ESR2: variants seen among roughly 807,000 people sequenced by gnomAD.
ESR2 encodes estrogen receptor beta.
ESR2 carries 36 observed loss-of-function variants against 49.6 expected under a neutral mutation model. The observed-to-expected ratio is 0.73, with a 90% confidence interval of 0.56 to 0.96. ESR2 has a LOEUF of 0.96. Ranked by LOEUF, ESR2 falls within the 40% of genes least tolerant of loss-of-function variation. The pLI, the probability that ESR2 is intolerant of heterozygous loss-of-function variation, is 0.00. For missense variants in ESR2, 714 were observed against 693.0 expected (o/e 1.03, Z -0.34); for synonymous variants, 320 against 266.1 (o/e 1.20, Z -1.97).
At chr14:64,302,204 T>TTTATTTA (rs1567790369) in intron 1 of ESR2, among the ~76,000 whole-genome samples, 21 of 85,978 alleles carry the variant, frequency 2.4e-4, no homozygotes, top group East Asian at 9.1e-4. Flanking sequence ...TTATTTATTT[T>TTTATTTA]TTGAGACAGT....
At position 64,255,592 on chromosome 14, in the gene ESR2, T is replaced by C. The variant is rs113392459; in HGVS notation, c.1091+1634A>G. Among the ~76,000 whole-genome samples, 932 of 152,348 alleles carry C rather than the reference T, an allele frequency of 6.1e-3. 8 individuals are homozygous for C. Among genetic ancestry groups the C allele is most frequent in the African/African-American group, 0.021 (857 of 41,592 alleles). On this transcript the variant is annotated intron_variant, in intron 6 of 8. Coordinates refer to ENST00000341099, the MANE Select transcript of ESR2 (RefSeq NM_001437.3). ...CCCCAAGTCCAGCTCCACCACCTAT[T>C]ATCCTACCTGTAAGCAGGTTTCTCA...
At position 64,283,175 on chromosome 14, in the gene ESR2, A is replaced by T. The variant is rs1320710872; in HGVS notation, c.-90-100T>A. On this transcript the variant is annotated intron_variant, in intron 1 of 8. Transcript: ENST00000341099. The stretch of plus-strand genomic sequence containing the variant: ...AAAAAAATACATACGTTTGTATGAG[A>T]TTACAAATACATCCTGAAAAATATA... The T allele has an allele frequency of 1.0e-5, 5 of 493,478 alleles. No homozygotes were observed. In the Admixed American group the frequency reaches 1.9e-4, roughly 18 times the overall value. 30.6% of individuals were successfully genotyped at this position (493,478 alleles called of 1,614,324 possible). A position where few individuals can be genotyped will look rare whatever the true frequency, so the allele number is the denominator to read the frequency against.
chr14:64,300,544 G>C (rs183569841), intron 1 of ESR2, among the ~76,000 whole-genome samples: 1 of 152,082 alleles, frequency 6.6e-6, no homozygotes, highest in African/African-American at 2.4e-5. Context: ...AGGATCGCTC[G>C]AGCCCAGGAG....
downstream of ESR2, chr14:64,227,591 AGT>A (rs1491428452): frequency 6.2e-7 from 1 of 1,614,042 alleles, no homozygotes; most frequent in African/African-American, 1.3e-5. Flanking sequence ...AAATGAGGTG[AGT>A]GTTTGAGAGG....
intron 1 of ESR2, among the ~76,000 whole-genome samples, chr14:64,290,498 G>A (rs1038539044): frequency 4.6e-5 from 7 of 152,156 alleles, no homozygotes; most frequent in Non-Finnish European, 8.8e-5. Flanking sequence ...GGCCTCCCAG[G>A]TTCAAGCAAT....
intron 1 of ESR2, among the ~76,000 whole-genome samples, chr14:64,325,532 T>A (rs935159135): frequency 6.6e-6 from 1 of 152,172 alleles, no homozygotes; most frequent in Non-Finnish European, 1.5e-5. Flanking sequence ...GAAGGTGTTA[T>A]TGTAAATTAT....
chr14:64,262,721 G>C (rs984875572), intron 4 of ESR2, among the ~76,000 whole-genome samples: 5 of 152,090 alleles, frequency 3.3e-5, no homozygotes, highest in Admixed American at 6.5e-5. Flanking sequence ...GACCAACCTG[G>C]GCAGCATGGT....
At chr14:64,254,844 C>G (rs1325132668) in intron 6 of ESR2, among the ~76,000 whole-genome samples, 1 of 148,698 alleles carries the variant, frequency 6.7e-6, no homozygotes, top group African/African-American at 2.5e-5. Flanking sequence ...AAAAAAAATG[C>G]CTGCTCAACA....
At chr14:64,295,346 C>T (rs1345590511), upstream of ESR2, among the ~76,000 whole-genome samples, 1 of 152,146 alleles carries the variant, frequency 6.6e-6, no homozygotes, top group Non-Finnish European at 1.5e-5. Context: ...ACAGTACCAG[C>T]CTCAGCTGTT....
chr14:64,235,080 G>T lies in ESR2; in HGVS notation c.1296C>A (p.Ala432=). 1 of 1,614,208 alleles carries T rather than the reference G, an allele frequency of 6.2e-7. No homozygotes were observed. The highest frequency in any genetic ancestry group is 1.7e-5 in the Admixed American group (1 of 60,026). Residue 432 remains alanine (A), a synonymous_variant, in exon 8 of 9, where the codon GCC becomes GCA. Coordinates refer to ENST00000341099, the MANE Select transcript of ESR2 (RefSeq NM_001437.3). ...SSRKLAHLLN[A]VTDALVWVIA... ...TCACCCAAACCAAAGCATCGGTCAC[G>T]GCGTTCAGCAAGTGAGCCAGCTTCC... is the stretch of plus-strand genomic sequence containing the variant.
At chr14:64,329,028 G>C (rs974691949) in intron 1 of ESR2, among the ~76,000 whole-genome samples, 4 of 152,038 alleles carry the variant, frequency 2.6e-5, no homozygotes, top group African/African-American at 9.7e-5. Flanking sequence ...TCTACTTTAA[G>C]TACGCCTACA....
chr14:64,260,597 T>C lies in ESR2; in HGVS notation c.804A>G (p.Leu268=). ...LLLDALSPEQ[L]VLTLLEAEPP... ...GCTCAGCCTCCAGGAGGGTGAGCAC[T>C]AGCTGCTCGGGGCTCAGGGCGTCCA... Residue 268 remains leucine (L), a synonymous_variant, in exon 5 of 9, where the codon CTA becomes CTG. Transcript: ENST00000341099. The C allele has an allele frequency of 6.2e-7, 1 of 1,610,680 alleles. No homozygotes were observed.
At chr14:64,303,587 G>T (rs779116174) in intron 1 of ESR2, 10 of 152,154 alleles carry the variant, frequency 6.6e-5, no homozygotes, top group Non-Finnish European at 1.5e-4. Flanking sequence ...AGGATCACCT[G>T]CTAGAGAGTT....
At chr14:64,250,820 G>A (rs193185050) in intron 6 of ESR2, among the ~76,000 whole-genome samples, 40 of 152,216 alleles carry the variant, frequency 2.6e-4, no homozygotes, top group Non-Finnish European at 4.0e-4. Flanking sequence ...ATTACCTGCC[G>A]TACATGGCAC....
intron 1 of ESR2, among the ~76,000 whole-genome samples, chr14:64,316,651 A>T (rs2077259619): frequency 6.6e-6 from 1 of 151,688 alleles, no homozygotes; most frequent in Non-Finnish European, 1.5e-5. Context: ...TCTACTAAAA[A>T]TACAAAAATT....
At chr14:64,274,482 T>C (rs1375301070) in intron 3 of ESR2, among the ~76,000 whole-genome samples, 1 of 152,188 alleles carries the variant, frequency 6.6e-6, no homozygotes, top group Non-Finnish European at 1.5e-5. Flanking sequence ...TTTATTCGAC[T>C]CTTCTATCTT....
In ESR2 at chr14:64,253,549, G is replaced by A. The variant is rs373429795; in HGVS notation, c.1091+3677C>T. Among the ~76,000 whole-genome samples the A allele has an allele frequency of 1.3e-4, 19 of 144,386 alleles. No homozygotes were observed. The East Asian group carries it at 3.0e-3, about 23-fold the overall frequency. The allele number at this position is 144,386 out of a possible 152,430, so 94.7% of individuals were successfully genotyped here. On this transcript the variant is annotated intron_variant, in intron 6 of 8. Transcript: ENST00000341099. ...TGTTGAATGAGTGGGCCTCCCTTAG[G>A]GGTACACTATTTGTGTGTGTGTGTG...
chr14:64,237,177 G>T (rs2140628191), intron 7 of ESR2, among the ~76,000 whole-genome samples: 1 of 152,146 alleles, frequency 6.6e-6, no homozygotes, highest in East Asian at 1.9e-4. Context: ...GGCCAGGCTG[G>T]TCTCAAACTC....
chr14:64,326,033 G>C, intron 1 of ESR2, among the ~76,000 whole-genome samples: 1 of 151,418 alleles, frequency 6.6e-6, no homozygotes, highest in East Asian at 1.9e-4. Context: ...ATTATTAAAG[G>C]ATTAACTGTA....
Sources: gnomAD v4.1 joint callset for allele counts (sites outside exome capture counted in the v4.1 genomes callset) on GRCh38, gnomAD v4.1.1 for gene constraint, MANE v1.5 for transcripts, NCBI Gene and HGNC (gene_info 2026-07-23, HGNC 2026-07-21) for gene names.